The following PITPNM3 variants were observed in gnomAD, a reference collection of about 807,000 sequenced individuals.
PITPNM3 encodes PITPNM family member 3, also known as membrane-associated phosphatidylinositol transfer protein 3.
Under a neutral mutation model 102.0 loss-of-function variants are expected in PITPNM3, and 26 were observed. That is an observed-to-expected ratio of 0.25 (90% CI 0.19 to 0.35). PITPNM3 has a LOEUF of 0.35. PITPNM3 is among the 10% of genes least tolerant of loss of function. The pLI is 1.00. For missense variants in PITPNM3, 1,083 were observed against 1,346.1 expected (o/e 0.80, Z 3.06); for synonymous variants, 578 against 558.6 (o/e 1.03, Z -0.49).
chr17:6,470,138 G>A lies in PITPNM3; in HGVS notation c.1773+122C>T, dbSNP rs1904992118. On this transcript the variant is annotated intron_variant, in intron 13 of 19. Transcript: ENST00000262483. This position sits in a 1 kb window ranked among gnomAD's most constrained non-coding sequence, Gnocchi z 4.8. The stretch of plus-strand genomic sequence containing the variant: ...GTAGGTGCTCCAATGCCTTCCTCAT[G>A]CTCTTAGGATCAAGGCCAAAAGCTG... 3 of 1,162,792 alleles carry A rather than the reference G, an allele frequency of 2.6e-6. No homozygotes were observed. Among genetic ancestry groups the A allele is most frequent in the Non-Finnish European group, 3.7e-6 (3 of 809,478 alleles). The allele number at this position is 1,162,792 out of a possible 1,614,324, so 72.0% of individuals were successfully genotyped here. A position where few individuals can be genotyped will look rare whatever the true frequency, so the allele number is the denominator to read the frequency against.
chr17:6,466,642 T>A (rs1223679793), intron 14 of PITPNM3, among the ~76,000 whole-genome samples: 1 of 152,172 alleles, frequency 6.6e-6, no homozygotes, highest in Non-Finnish European at 1.5e-5. Flanking sequence ...TACATTGCAG[T>A]GGGAATGTGA....
chr17:6,456,586 C>G (rs1243534489), intron 19 of PITPNM3, among the ~76,000 whole-genome samples: 1 of 152,128 alleles, frequency 6.6e-6, no homozygotes, highest in Non-Finnish European at 1.5e-5. Context: ...TCAGAATATG[C>G]ATGTCAACAA....
At chr17:6,486,172 C>T (rs890996668) in intron 4 of PITPNM3, among the ~76,000 whole-genome samples, 2 of 152,200 alleles carry the variant, frequency 1.3e-5, no homozygotes, top group African/African-American at 4.8e-5. Context: ...AGCTCCTCTC[C>T]TTCCTCCCCC....
chr17:6,533,126 C>A (rs1394012859), intron 2 of PITPNM3, among the ~76,000 whole-genome samples: 9 of 151,994 alleles, frequency 5.9e-5, no homozygotes, highest in Non-Finnish European at 1.0e-4. Context: ...CCATGCCCAG[C>A]TAATTTTCTA....
chr17:6,545,601 C>T (rs1362079050), intron 1 of PITPNM3, among the ~76,000 whole-genome samples: 1 of 152,212 alleles, frequency 6.6e-6, no homozygotes, highest in African/African-American at 2.4e-5. Context: ...GTAGAGCCTT[C>T]ACACCACGCT....
chr17:6,455,692 C>A (rs759384556), intron 19 of PITPNM3, 49 bp from the exon 20 acceptor site: 5 of 914,534 alleles, frequency 5.5e-6, no homozygotes, highest in Admixed American at 7.1e-5. Context: ...GGCAGCAGCG[C>A]AGGGGGAAGA....
At chr17:6,506,260 A>T (rs1907500589) in intron 3 of PITPNM3, among the ~76,000 whole-genome samples, 1 of 152,166 alleles carries the variant, frequency 6.6e-6, no homozygotes, top group Non-Finnish European at 1.5e-5. Context: ...AAATGTTGCT[A>T]AAGGTACTAA....
chr17:6,466,572 G>A (rs1278426574), intron 14 of PITPNM3, among the ~76,000 whole-genome samples: 1 of 152,190 alleles, frequency 6.6e-6, no homozygotes. Flanking sequence ...GGGATGACTA[G>A]AATCAAACAG....
chr17:6,487,691 G>A (rs187528462), intron 4 of PITPNM3, among the ~76,000 whole-genome samples: 25 of 152,284 alleles, frequency 1.6e-4, no homozygotes, highest in Admixed American at 4.6e-4. Flanking sequence ...TGGACTCTGC[G>A]CCCTCACCCA....
intron 3 of PITPNM3, among the ~76,000 whole-genome samples, chr17:6,518,416 T>G (rs534820829): frequency 7.1e-6 from 1 of 141,046 alleles, no homozygotes. Flanking sequence ...CTTACTTTTA[T>G]AAATTTTACC....
rs531442617 is a variant in PITPNM3 at position 6,457,018 on chromosome 17, C to T, written c.2619+576G>A. 5.3e-5 allele frequency among the ~76,000 whole-genome samples: 8 copies of T among 152,308 alleles called. No homozygotes were observed. Among genetic ancestry groups the T allele is most frequent in the African/African-American group, 1.7e-4 (7 of 41,574 alleles). ...GAATCACACACCTGCTCATCCCACA[C>T]CCTCTCAGAGTCCCCACACAGGCCA... On this transcript the variant is annotated intron_variant, in intron 19 of 19. Coordinates refer to ENST00000262483, the MANE Select transcript of PITPNM3 (RefSeq NM_031220.4). The surrounding 1 kb of genome is among the most constrained non-coding windows in gnomAD (Gnocchi z 4.7).
intron 9 of PITPNM3, among the ~76,000 whole-genome samples, chr17:6,475,391 T>C (rs4796501): frequency 0.76 from 115,313 of 152,124 alleles, 44,160 homozygotes; most frequent in African/African-American, 0.87. Context: ...ACCTTCCAGC[T>C]AGCCATTAGC....
At chr17:6,482,840 G>A (rs892295463) in intron 6 of PITPNM3, among the ~76,000 whole-genome samples, 4 of 152,086 alleles carry the variant, frequency 2.6e-5, no homozygotes, top group African/African-American at 4.8e-5. Flanking sequence ...AACACCATTC[G>A]TGTTTTTCAG....
At chr17:6,484,719 T>A (rs1337382455) in intron 4 of PITPNM3, among the ~76,000 whole-genome samples, 4 of 152,178 alleles carry the variant, frequency 2.6e-5, no homozygotes, top group Non-Finnish European at 1.5e-5. Flanking sequence ...CACTCTTGAC[T>A]GGGCTGAGAG....
intron 18 of PITPNM3, among the ~76,000 whole-genome samples, chr17:6,460,107 T>G (rs746973395): frequency 7.2e-5 from 11 of 152,142 alleles, no homozygotes; most frequent in Non-Finnish European, 1.2e-4. Flanking sequence ...TTGGCCTGGT[T>G]TCCAAGGTTT....
chr17:6,461,380 A>C lies in PITPNM3; in HGVS notation c.2483T>G (p.Met828Arg). ...RQKAIFLRNL[M>R]QECFIKISAA... The stretch of plus-strand genomic sequence containing the variant: ...CCCAGGATGGCCACTCACCTCCTGC[A>C]TGAGGTTGCGCAGGAAGATGGCCTT... The change falls in exon 18 of 20, where the codon ATG becomes AGG. Residue 828 changes from methionine (M) to arginine (R), a missense_variant. Coordinates refer to ENST00000262483, the MANE Select transcript of PITPNM3 (RefSeq NM_031220.4). 1.2e-6 allele frequency: 2 copies of C among 1,614,004 alleles called. No homozygotes were observed. The highest frequency in any genetic ancestry group is 4.5e-5 in the East Asian group (2 of 44,880).
intron 2 of PITPNM3, among the ~76,000 whole-genome samples, chr17:6,535,396 A>G (rs969839349): frequency 1.3e-5 from 2 of 152,140 alleles, no homozygotes; most frequent in African/African-American, 4.8e-5. Context: ...GAAACACACA[A>G]AGGCCTTGGT....
chr17:6,541,472 T>C (rs984903946), intron 1 of PITPNM3, among the ~76,000 whole-genome samples: 1 of 151,912 alleles, frequency 6.6e-6, no homozygotes, highest in African/African-American at 2.4e-5. Context: ...GGGCCAATGA[T>C]TGAAGGGGGA....
intron 1 of PITPNM3, among the ~76,000 whole-genome samples, chr17:6,554,440 G>A (rs1221810252): frequency 6.6e-6 from 1 of 152,182 alleles, no homozygotes; most frequent in Non-Finnish European, 1.5e-5. Flanking sequence ...AGTGTGGGGG[G>A]CAGGAGCCCA....
Sources: allele counts gnomAD v4.1 joint callset (sites outside exome capture counted in the v4.1 genomes callset), GRCh38; gene constraint gnomAD v4.1.1; non-coding constraint Gnocchi (gnomAD v3.1); transcripts MANE v1.5; gene names NCBI Gene and HGNC (gene_info 2026-07-23, HGNC 2026-07-21).